SPAG16: variants seen among roughly 807,000 people sequenced by gnomAD.
SPAG16 encodes sperm-associated antigen 16 protein.
In SPAG16, 86 loss-of-function variants were observed where a neutral mutation model predicts 80.4. That is an observed-to-expected ratio of 1.07 (90% CI 0.90 to 1.28). SPAG16 has a LOEUF of 1.28. SPAG16 is among the 50% of genes most tolerant of loss of function. The probability of loss-of-function intolerance (pLI) is 0.00; values close to 1 mark genes in which losing one functional copy is unlikely to be tolerated. For missense variants in SPAG16, 870 were observed against 765.3 expected (o/e 1.14, Z -1.61); for synonymous variants, 294 against 265.9 (o/e 1.11, Z -1.03).
intron 13 of SPAG16, among the ~76,000 whole-genome samples, chr2:214,048,558 G>C (rs1370404050): frequency 6.6e-6 from 1 of 151,952 alleles, no homozygotes; most frequent in Non-Finnish European, 1.5e-5. Context: ...AGACTAGGAA[G>C]GGGGTAGTAG....
intron 10 of SPAG16, among the ~76,000 whole-genome samples, chr2:213,689,371 GT>G (rs1185837867): frequency 1.3e-5 from 2 of 152,158 alleles, no homozygotes; most frequent in African/African-American, 2.4e-5. Context: ...GTTAATTTTT[GT>G]TTGGATGCCA....
chr2:213,538,855 A>G (rs1415232992), intron 10 of SPAG16, among the ~76,000 whole-genome samples: 2 of 152,144 alleles, frequency 1.3e-5, no homozygotes, highest in Non-Finnish European at 2.9e-5. Flanking sequence ...TCTATCTATC[A>G]TCTATATATC....
In SPAG16 at chr2:213,296,116, A is replaced by C; in HGVS notation, c.183+6A>C. On this transcript the variant is annotated splice_donor_region_variant and intron_variant, in intron 2 of 15. Coordinates refer to ENST00000331683, the MANE Select transcript of SPAG16 (RefSeq NM_024532.5). ...ATGACTATGAATATGAAGAGGTAAC[A>C]TGTTAATTTTAGGTGTTTATTCTGT... 3 of 1,594,836 alleles carry C rather than the reference A, an allele frequency of 1.9e-6. No individual in the cohort carries two copies. The highest frequency in any genetic ancestry group is 2.6e-6 in the Non-Finnish European group (3 of 1,164,028).
intron 10 of SPAG16, among the ~76,000 whole-genome samples, chr2:213,698,433 G>C (rs904515333): frequency 2.0e-5 from 3 of 151,818 alleles, no homozygotes; most frequent in Non-Finnish European, 2.9e-5. Flanking sequence ...GGCTAATTTT[G>C]TTATTTTTTG....
At chr2:214,195,677 G>T (rs2057815592) in intron 15 of SPAG16, among the ~76,000 whole-genome samples, 1 of 151,982 alleles carries the variant, frequency 6.6e-6, no homozygotes, top group South Asian at 2.1e-4. Context: ...GGTCATTACT[G>T]AGATGAAGAA....
intron 10 of SPAG16, among the ~76,000 whole-genome samples, chr2:213,775,196 A>T (rs994223369): frequency 3.3e-5 from 5 of 152,062 alleles, no homozygotes; most frequent in Non-Finnish European, 7.4e-5. Context: ...TGTTTTAAAA[A>T]TTTTCTTTGC....
intron 15 of SPAG16, among the ~76,000 whole-genome samples, chr2:214,297,741 A>T (rs1694236145): frequency 6.7e-6 from 1 of 149,884 alleles, no homozygotes; most frequent in Admixed American, 6.6e-5. Context: ...GTTACTATAG[A>T]CTTACAGTAT....
chr2:213,683,883 T>C (rs1185091020), intron 10 of SPAG16, among the ~76,000 whole-genome samples: 1 of 152,244 alleles, frequency 6.6e-6, no homozygotes, highest in East Asian at 1.9e-4. Flanking sequence ...AAATGACTGT[T>C]AAATACTTCA....
chr2:213,676,497 C>A (rs1389315984), intron 10 of SPAG16, among the ~76,000 whole-genome samples: 14 of 151,630 alleles, frequency 9.2e-5, no homozygotes, highest in East Asian at 5.8e-4. Context: ...TTTGCCCATT[C>A]AGTATGATAT....
chr2:213,432,015 AAAATT>A (rs1448613347), intron 9 of SPAG16, among the ~76,000 whole-genome samples: 6 of 152,266 alleles, frequency 3.9e-5, no homozygotes, highest in Non-Finnish European at 1.5e-5. Context: ...AGTCAATGAT[AAAATT>A]AAATTAATAA....
chr2:213,961,682 A>C (rs191245848), intron 12 of SPAG16, among the ~76,000 whole-genome samples: 36 of 149,530 alleles, frequency 2.4e-4, no homozygotes, highest in Non-Finnish European at 4.9e-4. Flanking sequence ...GTGTTTTATT[A>C]TATTAATTTT....
chr2:214,179,417 A>G (rs2057238044), intron 15 of SPAG16, among the ~76,000 whole-genome samples: 1 of 151,486 alleles, frequency 6.6e-6, no homozygotes, highest in Non-Finnish European at 1.5e-5. Flanking sequence ...AGTTACCTGT[A>G]GTCTTGTCAG....
At chr2:213,448,785 T>C (rs532472971) in intron 9 of SPAG16, among the ~76,000 whole-genome samples, 20 of 152,208 alleles carry the variant, frequency 1.3e-4, no homozygotes, top group Admixed American at 8.5e-4. Context: ...AAGCTGAGGA[T>C]GTACATCACC....
intron 9 of SPAG16, among the ~76,000 whole-genome samples, chr2:213,417,678 G>A (rs1025438982): frequency 2.6e-5 from 4 of 151,988 alleles, no homozygotes; most frequent in South Asian, 2.1e-4. Context: ...AAGGCATAAC[G>A]AAGAAACTAA....
chr2:213,611,160 C>T (rs1001363855), intron 10 of SPAG16, among the ~76,000 whole-genome samples: 1 of 152,156 alleles, frequency 6.6e-6, no homozygotes, highest in Non-Finnish European at 1.5e-5. Context: ...CTGTGGTTCT[C>T]CCTCATGTGT....
In SPAG16 at chr2:213,758,882, G is replaced by A. The variant is rs1043826483; in HGVS notation, c.1071-103603G>A. Among the ~76,000 whole-genome samples the A allele has an allele frequency of 3.9e-5, 6 of 152,094 alleles. No homozygotes were observed. In the South Asian group the frequency reaches 1.2e-3, roughly 32 times the overall value. On this transcript the variant is annotated intron_variant, in intron 10 of 15. Coordinates refer to ENST00000331683, the MANE Select transcript of SPAG16 (RefSeq NM_024532.5). ...TACATTATAATCAAAGCTTTAAAAG[G>A]TGGAGACAAAGATAGAATCTTAAAA... is the stretch of plus-strand genomic sequence containing the variant.
At chr2:213,320,410 T>G (rs563187020) in intron 5 of SPAG16, among the ~76,000 whole-genome samples, 4 of 152,116 alleles carry the variant, frequency 2.6e-5, no homozygotes, top group Admixed American at 1.3e-4. Flanking sequence ...TTGTGTGTGT[T>G]GGGAACATTT....
chr2:214,087,672 A>G (rs2051867432), intron 13 of SPAG16, among the ~76,000 whole-genome samples: 1 of 152,140 alleles, frequency 6.6e-6, no homozygotes, highest in African/African-American at 2.4e-5. Context: ...CCTAATTCCT[A>G]TTCAACAGCA....
intron 3 of SPAG16, among the ~76,000 whole-genome samples, chr2:213,306,534 C>T (rs1430439629): frequency 6.7e-6 from 1 of 149,808 alleles, no homozygotes; most frequent in Non-Finnish European, 1.5e-5. Context: ...CAAAGAATTA[C>T]AGTCCATGTG....
Sources: allele counts gnomAD v4.1 joint callset (sites outside exome capture counted in the v4.1 genomes callset), GRCh38; gene constraint gnomAD v4.1.1; transcripts MANE v1.5; gene names NCBI Gene and HGNC (gene_info 2026-07-23, HGNC 2026-07-21).